Variants in CHRNB3 observed in about 807,000 individuals in gnomAD.
CHRNB3 encodes the protein neuronal acetylcholine receptor subunit beta-3.
A neutral mutation model predicts 40.6 loss-of-function variants in CHRNB3; 37 were observed. That is an observed-to-expected ratio of 0.91 (90% CI 0.70 to 1.20). The LOEUF (loss-of-function observed/expected upper bound fraction) is 1.20. CHRNB3 is among the 50% of genes most tolerant of loss of function. The pLI is 0.00. For synonymous variants in CHRNB3, 207 were observed against 207.1 expected (o/e 1.00, Z 0.00); for missense variants, 505 against 551.2 (o/e 0.92, Z 0.84).
intron 3 of CHRNB3, among the ~76,000 whole-genome samples, chr8:42,721,129 G>A (rs576884041): frequency 2.0e-5 from 3 of 152,368 alleles, no homozygotes; most frequent in South Asian, 4.1e-4. Context: ...TGCTTGCAGC[G>A]TGCTGCAGCT....
At chr8:42,729,744 G>A (rs1345910473) in intron 3 of CHRNB3, among the ~76,000 whole-genome samples, 3 of 152,040 alleles carry the variant, frequency 2.0e-5, no homozygotes, top group Non-Finnish European at 4.4e-5. Flanking sequence ...TCCACACGAG[G>A]GGCTGTAGAA....
In CHRNB3 at chr8:42,732,394, G is replaced by A; in HGVS notation, c.1087G>A (p.Glu363Lys). 1 of 1,613,912 alleles carries A rather than the reference G, an allele frequency of 6.2e-7. No homozygotes were observed. Among genetic ancestry groups the A allele is most frequent in the Non-Finnish European group, 8.5e-7 (1 of 1,179,990 alleles). ...VDRYSSPEKE[E>K]SQPVVKGKVL... ...TCGCTACTCATCCCCAGAGAAAGAG[G>A]AGAGTCAACCAGTAGTGAAAGGCAA... is the stretch of plus-strand genomic sequence containing the variant. Residue 363 changes from glutamate to lysine, a missense_variant, in exon 5 of 6, where the codon GAG (glutamate) becomes AAG (lysine). Transcript: ENST00000289957.
intron 3 of CHRNB3, among the ~76,000 whole-genome samples, chr8:42,718,567 G>C (rs1267833612): frequency 6.6e-6 from 1 of 151,692 alleles, no homozygotes; most frequent in East Asian, 1.9e-4. Context: ...CAGCTACTCG[G>C]GAGGCTGAGG....
At chr8:42,710,286 C>T in intron 2 of CHRNB3, 104 bp from the exon 3 acceptor site, 1 of 898,308 alleles carries the variant, frequency 1.1e-6, no homozygotes, top group Non-Finnish European at 1.7e-6. Context: ...CCACTGCACT[C>T]CAGCCTGGGC....
chr8:42,700,215 C>T (rs1815764432), intron 1 of CHRNB3, among the ~76,000 whole-genome samples: 1 of 152,106 alleles, frequency 6.6e-6, no homozygotes. Flanking sequence ...TGCGGTTTCA[C>T]CGTGTTAGCC....
intron 3 of CHRNB3, among the ~76,000 whole-genome samples, chr8:42,712,275 G>A (rs1446768014): frequency 3.3e-5 from 5 of 152,166 alleles, no homozygotes; most frequent in Non-Finnish European, 7.3e-5. Context: ...TTACAGGTGT[G>A]AGCCACCGCA....
At chr8:42,709,724 C>G (rs544619026) in intron 2 of CHRNB3, among the ~76,000 whole-genome samples, 1 of 152,286 alleles carries the variant, frequency 6.6e-6, no homozygotes, top group East Asian at 1.9e-4. Context: ...CTCCGTTTCC[C>G]AGGTTCAAGT....
Position 42,716,274 on chromosome 8 carries a change from G to A in CHRNB3, c.249+5840G>A, listed in dbSNP as rs142796527. On this transcript the variant is annotated intron_variant, in intron 3 of 5. Transcript: ENST00000289957. Reference sequence around the variant, plus strand: ...TTACAGGCGTGAGCCACTGTGCTGGGCGAAACTGACCTTTTTTGAAATGAC... The same window carrying A: ...TTACAGGCGTGAGCCACTGTGCTGGACGAAACTGACCTTTTTTGAAATGAC... 6.2e-3 allele frequency among the ~76,000 whole-genome samples: 945 copies of A among 151,660 alleles called. 18 individuals carry two copies. Among genetic ancestry groups the A allele is most frequent in the African/African-American group, 0.022 (911 of 41,198 alleles).
chr8:42,727,373 G>GAAAAAAAAAAA (rs758556619), intron 3 of CHRNB3, among the ~76,000 whole-genome samples: 3 of 85,090 alleles, frequency 3.5e-5, no homozygotes, highest in Admixed American at 1.4e-4. Context: ...ACTCTGTCTC[G>GAAAAAAAAAAA]AAAAAAAAAA....
Position 42,731,976 on chromosome 8 carries a change from C to G in CHRNB3, c.669C>G (p.Ile223Met). 1 of 1,614,090 alleles carries G rather than the reference C, an allele frequency of 6.2e-7. No homozygotes were observed. Residue 223 changes from isoleucine to methionine, a missense_variant, in exon 5 of 6, where the codon ATC becomes ATG. Coordinates refer to ENST00000289957, the MANE Select transcript of CHRNB3 (RefSeq NM_000749.5). ...RRDGVYSYPF[I>M]TYSFVLRRLP... ...ACGGCGTGTACTCCTATCCCTTTATCACGTATTCCTTCGTCCTGAGACGCC... is the reference window on the plus strand; with the variant it reads ...ACGGCGTGTACTCCTATCCCTTTATGACGTATTCCTTCGTCCTGAGACGCC...
chr8:42,720,816 G>A (rs62518204), intron 3 of CHRNB3, among the ~76,000 whole-genome samples: 8,724 of 152,288 alleles, frequency 0.057, 332 homozygotes, highest in Middle Eastern at 0.11. Context: ...TTATAAAGCT[G>A]GTATTTGTTT....
chr8:42,725,242 A>G (rs1318413366), intron 3 of CHRNB3, among the ~76,000 whole-genome samples: 1 of 151,478 alleles, frequency 6.6e-6, no homozygotes. Flanking sequence ...AGCATGTGCC[A>G]CCATGCCCGG....
chr8:42,730,999 G>T (rs1563615959), intron 4 of CHRNB3, among the ~76,000 whole-genome samples: 2 of 139,642 alleles, frequency 1.4e-5, no homozygotes, highest in Admixed American at 7.0e-5. Context: ...AGTGAGCCGA[G>T]ATTGCGCCAC....
At chr8:42,717,156 G>A (rs370942843) in intron 3 of CHRNB3, among the ~76,000 whole-genome samples, 1 of 134,202 alleles carries the variant, frequency 7.5e-6, no homozygotes, top group Non-Finnish European at 1.6e-5. Context: ...GGCGGATCAC[G>A]AGGTCAGGAG....
chr8:42,725,514 TA>T, intron 3 of CHRNB3: 1 of 701,990 alleles, frequency 1.4e-6, no homozygotes. Context: ...ACTTCATTGA[TA>T]AAAATTTACT....
At chr8:42,723,209 TTAGA>T (rs1449562910) in intron 3 of CHRNB3, among the ~76,000 whole-genome samples, 3 of 152,150 alleles carry the variant, frequency 2.0e-5, no homozygotes, top group Non-Finnish European at 4.4e-5. Flanking sequence ...ATCGTATTAC[TTAGA>T]TATTTTACTA....
At chr8:42,700,528 C>T (rs976102850) in intron 1 of CHRNB3, among the ~76,000 whole-genome samples, 2 of 151,726 alleles carry the variant, frequency 1.3e-5, no homozygotes, top group Non-Finnish European at 2.9e-5. Context: ...CCATGTTGGC[C>T]AGGCTGGTCT....
chr8:42,698,616 G>GA (rs1815720277), intron 1 of CHRNB3, among the ~76,000 whole-genome samples: 1 of 152,104 alleles, frequency 6.6e-6, no homozygotes, highest in South Asian at 2.1e-4. Context: ...AGTCAAACAG[G>GA]AATTTCTAAA....
chr8:42,725,898 G>T, intron 3 of CHRNB3: 1 of 846,066 alleles, frequency 1.2e-6, no homozygotes, highest in Non-Finnish European at 2.0e-6. Context: ...TTTTCTTTGG[G>T]CAAAGTCTCG....
Sources: gnomAD v4.1 joint callset for allele counts (sites outside exome capture counted in the v4.1 genomes callset) on GRCh38, gnomAD v4.1.1 for gene constraint, MANE v1.5 for transcripts, NCBI Gene and HGNC (gene_info 2026-07-23, HGNC 2026-07-21) for gene names.